The following ANKHD1 variants were observed in gnomAD, a reference collection of about 807,000 sequenced individuals.
The protein encoded by ANKHD1 is ankyrin repeat and KH domain containing 1.
ANKHD1 carries 31 observed loss-of-function variants against 230.5 expected under a neutral mutation model. That is an observed-to-expected ratio of 0.13 (90% confidence interval 0.10 to 0.18). The LOEUF (loss-of-function observed/expected upper bound fraction) is 0.18. Among genes scored for constraint, ANKHD1 ranks in the 10% least tolerant of loss-of-function variants. The pLI is 1.00. For missense variants in ANKHD1, 2,256 were observed against 3,071.3 expected, an observed-to-expected ratio of 0.73 and a Z score of 6.27; for synonymous variants, 1,074 against 1,117.6, an observed-to-expected ratio of 0.96 and a Z score of 0.78.
At chr5:140,430,686 C>T (rs141720533) in intron 1 of ANKHD1, among the ~76,000 whole-genome samples, 484 of 139,180 alleles carry the variant, frequency 3.5e-3, no homozygotes, top group Non-Finnish European at 6.0e-3. Context: ...GAGTCTCACT[C>T]TGTCGCCCAG....
intron 9 of ANKHD1, among the ~76,000 whole-genome samples, chr5:140,460,399 T>G (rs561261069): frequency 2.8e-4 from 43 of 152,150 alleles, no homozygotes; most frequent in Non-Finnish European, 5.6e-4. Flanking sequence ...TAAAAGAAAA[T>G]AAAATATTTA....
At chr5:140,501,775 A>G (rs1752316261) in intron 15 of ANKHD1, among the ~76,000 whole-genome samples, 2 of 152,034 alleles carry the variant, frequency 1.3e-5, no homozygotes, top group African/African-American at 4.8e-5. Flanking sequence ...AACATATTTT[A>G]TGTACACCTA....
Position 140,520,894 on chromosome 5 carries a change from C to T in ANKHD1, c.4318-3172C>T, listed in dbSNP as rs748856759. 9.6e-4 allele frequency among the ~76,000 whole-genome samples: 138 copies of T among 144,150 alleles called. 1 individual carries two copies. Among genetic ancestry groups the T allele is most frequent in the Non-Finnish European group, 7.8e-4 (52 of 66,548 alleles). 94.6% of individuals were successfully genotyped at this position (144,150 alleles called of 152,430 possible). On this transcript the variant is annotated intron_variant, in intron 24 of 33. Coordinates refer to ENST00000360839, the MANE Select transcript of ANKHD1 (RefSeq NM_017747.3). ...ATGTATACATATGTAACTAACTGCACATTGTGCACATGTACCCTAAAACTT... is the reference window on the plus strand; with the variant it reads ...ATGTATACATATGTAACTAACTGCATATTGTGCACATGTACCCTAAAACTT...
chr5:140,495,292 C>G (rs1160309277), intron 14 of ANKHD1, among the ~76,000 whole-genome samples: 1 of 144,908 alleles, frequency 6.9e-6, no homozygotes, highest in Non-Finnish European at 1.5e-5. Context: ...CTCTCTCAGG[C>G]TGGAGTGCAG....
intron 1 of ANKHD1, among the ~76,000 whole-genome samples, chr5:140,432,477 G>C (rs1230682523): frequency 2.6e-5 from 4 of 152,114 alleles, no homozygotes; most frequent in Non-Finnish European, 5.9e-5. Context: ...ATCTACTGAT[G>C]GACATTTGGG....
chr5:140,427,312 C>T (rs1256705500), intron 1 of ANKHD1, among the ~76,000 whole-genome samples: 6 of 136,028 alleles, frequency 4.4e-5, no homozygotes, highest in Non-Finnish European at 9.5e-5. Flanking sequence ...GGCGGCTGGC[C>T]GGGTGGGGGG....
chr5:140,472,598 C>A, intron 10 of ANKHD1: 2 of 407,410 alleles, frequency 4.9e-6, no homozygotes, highest in Non-Finnish European at 7.2e-6. Flanking sequence ...TAGTATACCG[C>A]AGAGAGAAAG....
intron 7 of ANKHD1, among the ~76,000 whole-genome samples, chr5:140,455,567 A>G (rs1775110475): frequency 6.6e-6 from 1 of 152,224 alleles, no homozygotes; most frequent in Non-Finnish European, 1.5e-5. Context: ...AACATATGCA[A>G]ATCAATAAAC....
Position 140,525,119 on chromosome 5 carries a change from A to T in ANKHD1, c.4493-877A>T, listed in dbSNP as rs563017799. On this transcript the variant is annotated intron_variant, in intron 25 of 33. Coordinates refer to ENST00000360839, the MANE Select transcript of ANKHD1 (RefSeq NM_017747.3). The stretch of plus-strand genomic sequence containing the variant: ...TGACAGGAGCAAAACTCTGTCTCAA[A>T]AAAAAAATAAAAAGAAAAAAAAGAA... Among the ~76,000 whole-genome samples the T allele has an allele frequency of 1.0e-3, 159 of 152,144 alleles. 2 individuals are homozygous for T. In the South Asian group the frequency reaches 0.014, roughly 14 times the overall value.
chr5:140,427,222 C>T (rs1417117579), intron 1 of ANKHD1, among the ~76,000 whole-genome samples: 22 of 147,812 alleles, frequency 1.5e-4, no homozygotes, highest in African/African-American at 4.8e-4. Context: ...TAGGGGCGGC[C>T]GGGCAGAGGT....
At chr5:140,424,508 T>C (rs1016618910) in intron 1 of ANKHD1, among the ~76,000 whole-genome samples, 1 of 152,156 alleles carries the variant, frequency 6.6e-6, no homozygotes, top group Non-Finnish European at 1.5e-5. Flanking sequence ...ACTACAGCAA[T>C]TTGGTATGGC....
At chr5:140,509,895 C>T in intron 21 of ANKHD1, 83 bp downstream of exon 21, 1 of 1,546,162 alleles carries the variant, frequency 6.5e-7, no homozygotes, top group South Asian at 1.2e-5. Flanking sequence ...CATTGTTTTA[C>T]TTTATTGATA....
intron 1 of ANKHD1, among the ~76,000 whole-genome samples, chr5:140,435,308 GTTCTA>G (rs376070648): frequency 1.2e-3 from 178 of 149,936 alleles, no homozygotes; most frequent in Middle Eastern, 7.1e-3. Context: ...GTTGTTGTTT[GTTCTA>G]TTCTATCTAG....
At chr5:140,497,334 T>TA in intron 15 of ANKHD1, 56 bp downstream of exon 15, 1 of 1,518,556 alleles carries the variant, frequency 6.6e-7, no homozygotes. Context: ...GCTGAACTTC[T>TA]TTATATACCC....
At chr5:140,491,894 T>C (rs1264546388) in intron 14 of ANKHD1, among the ~76,000 whole-genome samples, 1 of 152,238 alleles carries the variant, frequency 6.6e-6, no homozygotes, top group Non-Finnish European at 1.5e-5. Context: ...GAATATAGAT[T>C]ATTTTGAAGG....
intron 10 of ANKHD1, among the ~76,000 whole-genome samples, chr5:140,482,172 C>T (rs1308576903): frequency 6.6e-6 from 1 of 152,024 alleles, no homozygotes; most frequent in African/African-American, 2.4e-5. Flanking sequence ...TCATTTGCAT[C>T]CTTTGATAGT....
chr5:140,442,792 T>C (rs1318497471), intron 5 of ANKHD1, among the ~76,000 whole-genome samples: 1 of 152,228 alleles, frequency 6.6e-6, no homozygotes. Flanking sequence ...ATCACTGCTA[T>C]TACTGTGTTA....
Position 140,526,109 on chromosome 5 carries a change from G to C in ANKHD1, c.4606G>C (p.Val1536Leu), listed in dbSNP as rs1753598232. 2 of 1,613,896 alleles carry C rather than the reference G, an allele frequency of 1.2e-6. No homozygotes were observed. Among genetic ancestry groups the C allele is most frequent in the Non-Finnish European group, 1.7e-6 (2 of 1,179,988 alleles). Reference sequence around the variant, plus strand: ...GTTTGGGAAAAAAAGGGCCAATGTGGTGACAACTCCCAGCACCAATCGGAA... The same window carrying C: ...GTTTGGGAAAAAAAGGGCCAATGTGCTGACAACTCCCAGCACCAATCGGAA... Reference protein sequence around the residue: ...NVFGKKRANVVTTPSTNRKNK... With the variant: ...NVFGKKRANVLTTPSTNRKNK... Residue 1536 changes from valine to leucine, a missense_variant, in exon 26 of 34, where the codon GTG (valine) becomes CTG (leucine). Transcript: ENST00000360839.
chr5:140,431,429 CTG>C (rs1773038504), intron 1 of ANKHD1, among the ~76,000 whole-genome samples: 2 of 152,178 alleles, frequency 1.3e-5, no homozygotes, highest in African/African-American at 4.8e-5. Context: ...AAAATAGACA[CTG>C]TGGTGAGGGA....
Sources: allele counts gnomAD v4.1 joint callset (sites outside exome capture counted in the v4.1 genomes callset), GRCh38; gene constraint gnomAD v4.1.1; transcripts MANE v1.5; gene names NCBI Gene and HGNC (gene_info 2026-07-23, HGNC 2026-07-21).